Variants in GLIS3 observed in about 807,000 individuals in gnomAD.
The protein encoded by GLIS3 is zinc finger protein GLIS3.
A neutral mutation model predicts 78.6 loss-of-function variants in GLIS3; 53 were observed. That is an observed-to-expected ratio of 0.67 (90% CI 0.54 to 0.85). GLIS3 has a LOEUF of 0.85. Among genes scored for constraint, GLIS3 ranks in the 40% least tolerant of loss-of-function variants. The pLI is 0.00. For missense variants in GLIS3, 1,703 were observed against 1,231.1 expected (o/e 1.38, Z -5.74); for synonymous variants, 684 against 509.9 (o/e 1.34, Z -4.60).
intron 9 of GLIS3, among the ~76,000 whole-genome samples, chr9:3,849,995 C>T (rs554774448): frequency 2.0e-5 from 3 of 151,992 alleles, no homozygotes; most frequent in African/African-American, 7.2e-5. Context: ...GATAAATGAA[C>T]CCCGAAAAAT....
At chr9:4,379,013 A>G in the GLIS3 span, among the ~76,000 whole-genome samples, 1 of 152,204 alleles carries the variant, frequency 6.6e-6, no homozygotes, top group Non-Finnish European at 1.5e-5. Context: ...GTGTTAAGTG[A>G]AAATGCTATA....
At chr9:4,175,613 T>C (rs962673765) in intron 2 of GLIS3, among the ~76,000 whole-genome samples, 1 of 152,188 alleles carries the variant, frequency 6.6e-6, no homozygotes, top group Non-Finnish European at 1.5e-5. Flanking sequence ...GCTGGAATGA[T>C]CTATCCTTCT....
At chr9:4,300,246 A>ACACACACACACACACACACT (rs1491535352), upstream of GLIS3, among the ~76,000 whole-genome samples, 2 of 131,446 alleles carry the variant, frequency 1.5e-5, no homozygotes, top group African/African-American at 5.5e-5. Context: ...ACACACACAC[A>ACACACACACACACACACACT]CTCCCCGTGC....
At chr9:3,837,768 G>A (rs574226903) in intron 9 of GLIS3, among the ~76,000 whole-genome samples, 4 of 152,306 alleles carry the variant, frequency 2.6e-5, no homozygotes, top group East Asian at 1.9e-4. Flanking sequence ...CCACAGGTTG[G>A]GGGGAGGGAA....
intron 7 of GLIS3, among the ~76,000 whole-genome samples, chr9:3,880,827 C>G (rs149306037): frequency 3.0e-4 from 45 of 152,260 alleles, no homozygotes; most frequent in Non-Finnish European, 5.9e-4. Context: ...TCTTCCCGCT[C>G]AAAAAGCTAC....
chr9:4,207,132 G>T (rs1350578620), intron 2 of GLIS3, among the ~76,000 whole-genome samples: 1 of 152,152 alleles, frequency 6.6e-6, no homozygotes, highest in South Asian at 2.1e-4. Flanking sequence ...ATGGTATGTG[G>T]AGAATAATCC....
intron 1 of GLIS3, 117 bp from the exon 2 acceptor site, chr9:4,286,640 G>A (rs1828026458): frequency 1.6e-6 from 1 of 614,878 alleles, no homozygotes; most frequent in Non-Finnish European, 2.9e-6. Flanking sequence ...TAGCAAGATG[G>A]CCTTTTATGT....
the GLIS3 span, among the ~76,000 whole-genome samples, chr9:4,373,301 GT>G: frequency 6.6e-6 from 1 of 152,098 alleles, no homozygotes; most frequent in East Asian, 1.9e-4. Context: ...TAAATCAGTA[GT>G]TTCCCATCCT....
chr9:4,199,013 T>C (rs922072305), intron 2 of GLIS3, among the ~76,000 whole-genome samples: 1 of 152,164 alleles, frequency 6.6e-6, no homozygotes, highest in Non-Finnish European at 1.5e-5. Context: ...AAGCAAGCCC[T>C]AAGGGAATTC....
intron 2 of GLIS3, among the ~76,000 whole-genome samples, chr9:4,133,985 G>C (rs1405379888): frequency 6.6e-6 from 1 of 151,886 alleles, no homozygotes; most frequent in Non-Finnish European, 1.5e-5. Context: ...TGATTACTTC[G>C]AACTAAGGTG....
At chr9:4,324,681 T>G (rs1817577599) in intron 2 of GLIS3, among the ~76,000 whole-genome samples, 1 of 152,194 alleles carries the variant, frequency 6.6e-6, no homozygotes. Context: ...AATAAATCAC[T>G]AAGAAAAATG....
At chr9:3,868,159 T>C (rs745795380) in intron 8 of GLIS3, among the ~76,000 whole-genome samples, 22 of 152,388 alleles carry the variant, frequency 1.4e-4, no homozygotes, top group Non-Finnish European at 2.6e-4. Flanking sequence ...TGTTTCTGTA[T>C]GTGTCAGAAA....
At chr9:4,375,426 T>A in the GLIS3 span, among the ~76,000 whole-genome samples, 1 of 152,214 alleles carries the variant, frequency 6.6e-6, no homozygotes, top group Admixed American at 6.5e-5. Flanking sequence ...TGAAAACAAT[T>A]TGCGACTGTT....
chr9:4,473,694 C>G, the GLIS3 span, among the ~76,000 whole-genome samples: 1 of 151,952 alleles, frequency 6.6e-6, no homozygotes, highest in African/African-American at 2.4e-5. Flanking sequence ...AAGCTTAATA[C>G]CAGGGTGACA....
At chr9:4,346,038 TA>T (rs1338981151) in intron 2 of GLIS3, among the ~76,000 whole-genome samples, 4 of 152,042 alleles carry the variant, frequency 2.6e-5, no homozygotes, top group Non-Finnish European at 4.4e-5. Flanking sequence ...AGACAAAAAA[TA>T]AATACAGACA....
At chr9:4,220,516 T>A (rs908551591) in intron 2 of GLIS3, among the ~76,000 whole-genome samples, 1 of 152,298 alleles carries the variant, frequency 6.6e-6, no homozygotes, top group South Asian at 2.1e-4. Flanking sequence ...ACATACATCA[T>A]GTCTGTGGTA....
At chr9:4,465,503 C>T in the GLIS3 span, among the ~76,000 whole-genome samples, 1 of 150,622 alleles carries the variant, frequency 6.6e-6, no homozygotes, top group African/African-American at 2.5e-5. Context: ...GAGCCAAGAT[C>T]ATGCCATTGC....
At chr9:4,430,777 A>G in the GLIS3 span, among the ~76,000 whole-genome samples, 1 of 152,206 alleles carries the variant, frequency 6.6e-6, no homozygotes, top group African/African-American at 2.4e-5. Context: ...AAGCAGATAA[A>G]TGCTGTTAAC....
chr9:4,383,840 T>C, the GLIS3 span, among the ~76,000 whole-genome samples: 719 of 152,182 alleles, frequency 4.7e-3, 5 homozygotes, highest in African/African-American at 0.016. Context: ...AAGAGGGAGG[T>C]ATTGAATGGT....
Sources: allele counts gnomAD v4.1 joint callset (sites outside exome capture counted in the v4.1 genomes callset), GRCh38; gene constraint gnomAD v4.1.1; transcripts MANE v1.5; gene names NCBI Gene and HGNC (gene_info 2026-07-23, HGNC 2026-07-21).